FIP1L1: variants seen among roughly 807,000 people sequenced by gnomAD.
FIP1L1 encodes the protein factor interacting with PAPOLA and CPSF1.
Under a neutral mutation model 84.6 loss-of-function variants are expected in FIP1L1, and 21 were observed. That is an observed-to-expected ratio of 0.25 (90% confidence interval 0.18 to 0.36). The LOEUF (loss-of-function observed/expected upper bound fraction) is 0.36. FIP1L1 is among the 10% of genes least tolerant of loss of function. The pLI is 1.00. For missense variants in FIP1L1, 526 were observed against 751.1 expected (o/e 0.70, Z 3.50); for synonymous variants, 263 against 242.3 (o/e 1.09, Z -0.80).
Position 53,425,896 on chromosome 4 carries a change from T to G in FIP1L1, c.948T>G (p.Val316=), listed in dbSNP as rs745504996. 6.2e-7 allele frequency: 1 copy of G among 1,610,962 alleles called. No individual in the cohort carries two copies. The highest frequency in any genetic ancestry group is 1.1e-5 in the South Asian group (1 of 90,732). ...DLRRLPGAID[V]IGQTITISRV... is the part of the protein sequence containing the mutation. ...GGAGATTACCTGGGGCAATTGATGT[T>G]ATCGGTCAGACTATAACTATCAGCC... The change falls in exon 12 of 18, where the codon GTT becomes GTG. Residue 316 remains valine (V), a synonymous_variant. Coordinates refer to ENST00000337488, the MANE Select transcript of FIP1L1 (RefSeq NM_030917.4).
At chr4:53,428,211 TGAAA>T (rs1359568372) in intron 13 of FIP1L1, 28 bp downstream of exon 13, 1 of 1,500,474 alleles carries the variant, frequency 6.7e-7, no homozygotes, top group African/African-American at 1.4e-5. Flanking sequence ...CATTTGACTT[TGAAA>T]GAAAAATAGC....
chr4:53,447,834 A>G (rs1055308229), intron 15 of FIP1L1, among the ~76,000 whole-genome samples: 2 of 152,028 alleles, frequency 1.3e-5, no homozygotes, highest in African/African-American at 2.4e-5. Flanking sequence ...ATTTTACTCT[A>G]TTTTAAATAT....
intron 11 of FIP1L1, among the ~76,000 whole-genome samples, chr4:53,418,667 A>C (rs1760886802): frequency 1.3e-5 from 2 of 152,094 alleles, no homozygotes; most frequent in East Asian, 3.9e-4. Context: ...GTTCCTCTTA[A>C]TTTTCAAGTG....
intron 9 of FIP1L1, among the ~76,000 whole-genome samples, chr4:53,393,324 A>G (rs1213473195): frequency 1.3e-5 from 2 of 152,228 alleles, no homozygotes; most frequent in Admixed American, 6.5e-5. Context: ...ATTTATTTTC[A>G]TATCTGCTGC....
intron 10 of FIP1L1, among the ~76,000 whole-genome samples, chr4:53,406,101 A>T (rs1324101327): frequency 6.6e-6 from 1 of 152,100 alleles, no homozygotes; most frequent in Non-Finnish European, 1.5e-5. Context: ...TTCAAAGGGA[A>T]TGCTTCCAGT....
At chr4:53,402,692 A>G (rs546102451) in intron 10 of FIP1L1, among the ~76,000 whole-genome samples, 2 of 152,322 alleles carry the variant, frequency 1.3e-5, no homozygotes, top group Admixed American at 6.5e-5. Context: ...ACAGAGTGAG[A>G]CACTGTCTAA....
intron 10 of FIP1L1, among the ~76,000 whole-genome samples, chr4:53,403,596 T>G (rs1255168528): frequency 2.0e-5 from 3 of 152,206 alleles, no homozygotes; most frequent in Non-Finnish European, 1.5e-5. Context: ...GGAAGTGTTT[T>G]CCCTGCAAAA....
intron 8 of FIP1L1, 98 bp downstream of exon 8, chr4:53,391,237 A>G: frequency 7.3e-7 from 1 of 1,366,026 alleles, no homozygotes. Context: ...TAAATGCTAT[A>G]TGATAGTTTA....
intron 10 of FIP1L1, among the ~76,000 whole-genome samples, chr4:53,407,473 A>G (rs191823190): frequency 6.6e-6 from 1 of 151,988 alleles, no homozygotes. Context: ...GTGCTGAAAA[A>G]AATGTATATT....
At chr4:53,385,702 G>A (rs1422575958) in intron 5 of FIP1L1, among the ~76,000 whole-genome samples, 1 of 152,126 alleles carries the variant, frequency 6.6e-6, no homozygotes, top group Non-Finnish European at 1.5e-5. Context: ...GAATTGACAT[G>A]TGAATGCTCA....
At chr4:53,428,767 T>C (rs138078727) in intron 13 of FIP1L1, among the ~76,000 whole-genome samples, 2 of 152,214 alleles carry the variant, frequency 1.3e-5, no homozygotes, top group Admixed American at 1.3e-4. Flanking sequence ...AAATTTTATT[T>C]TTATTTGAAT....
Position 53,379,088 on chromosome 4 carries a change from A to T in FIP1L1, c.101A>T (p.His34Leu). 6.2e-7 allele frequency: 1 copy of T among 1,614,018 alleles called. No homozygotes were observed. The change falls in exon 2 of 18, where the codon CAT becomes CTT. Residue 34 changes from histidine (H) to leucine (L), a missense_variant. Coordinates refer to ENST00000337488, the MANE Select transcript of FIP1L1 (RefSeq NM_030917.4). ...EWLYGGPWDV[H>L]VHSDLAKDLD... is the part of the protein sequence containing the mutation. Reference sequence around the variant, plus strand: ...GTGCTTATAGGCCCATGGGACGTGCATGTGCACAGTGATTTGGCAAAGGAC... The same window carrying T: ...GTGCTTATAGGCCCATGGGACGTGCTTGTGCACAGTGATTTGGCAAAGGAC...
At chr4:53,415,064 G>A (rs1238478612) in intron 11 of FIP1L1, among the ~76,000 whole-genome samples, 2 of 151,198 alleles carry the variant, frequency 1.3e-5, no homozygotes, top group African/African-American at 2.4e-5. Context: ...ACTACTTATC[G>A]AATAAAACCT....
chr4:53,435,883 A>G (rs956771839), intron 13 of FIP1L1, among the ~76,000 whole-genome samples: 2 of 152,134 alleles, frequency 1.3e-5, no homozygotes, highest in African/African-American at 4.8e-5. Flanking sequence ...ATACATAGAA[A>G]CGCATTTCTG....
intron 13 of FIP1L1, among the ~76,000 whole-genome samples, chr4:53,435,912 AG>A: frequency 6.6e-6 from 1 of 152,344 alleles, no homozygotes; most frequent in East Asian, 1.9e-4. Flanking sequence ...TGATATTTAA[AG>A]ATTTTTGTAA....
intron 15 of FIP1L1, among the ~76,000 whole-genome samples, chr4:53,452,034 C>T (rs1716379099): frequency 1.3e-5 from 2 of 152,034 alleles, no homozygotes; most frequent in African/African-American, 4.8e-5. Context: ...CAGGCACCTG[C>T]CACCGCACCC....
At chr4:53,423,187 C>A (rs1763054941) in intron 11 of FIP1L1, among the ~76,000 whole-genome samples, 2 of 152,008 alleles carry the variant, frequency 1.3e-5, no homozygotes, top group Admixed American at 1.3e-4. Context: ...ATTTACTGTG[C>A]CAGGAGGGGA....
chr4:53,432,942 T>C (rs2150087110), intron 13 of FIP1L1, among the ~76,000 whole-genome samples: 1 of 152,190 alleles, frequency 6.6e-6, no homozygotes, highest in South Asian at 2.1e-4. Context: ...GGTAGGGAAG[T>C]TAGGGAGATT....
chr4:53,378,113 C>A (rs1196859855), intron 1 of FIP1L1, 190 bp downstream of exon 1: 10 of 482,146 alleles, frequency 2.1e-5, no homozygotes, highest in Non-Finnish European at 3.6e-5. Flanking sequence ...GCCTGGCCCA[C>A]GCCCACCATG....
Sources: gnomAD v4.1 joint callset for allele counts (sites outside exome capture counted in the v4.1 genomes callset) on GRCh38, gnomAD v4.1.1 for gene constraint, MANE v1.5 for transcripts, NCBI Gene and HGNC (gene_info 2026-07-23, HGNC 2026-07-21) for gene names.